The following CDH8 variants were observed in gnomAD, a reference collection of about 807,000 sequenced individuals.
CDH8 encodes cadherin-8.
CDH8 carries 17 observed loss-of-function variants against 68.1 expected under a neutral mutation model. The observed-to-expected ratio is 0.25, with a 90% CI of 0.17 to 0.37. The LOEUF (loss-of-function observed/expected upper bound fraction) is 0.37, where lower values mean the gene tolerates loss of function less well. CDH8 is among the 10% of genes least tolerant of loss of function. The pLI, the probability that CDH8 is intolerant of heterozygous loss-of-function variation, is 1.00. For missense variants in CDH8, 763 were observed against 999.3 expected, an observed-to-expected ratio of 0.76 and a Z score of 3.19; for synonymous variants, 372 against 365.1, an observed-to-expected ratio of 1.02 and a Z score of -0.21.
At chr16:61,847,288 T>TA (rs1405378377) in intron 4 of CDH8, among the ~76,000 whole-genome samples, 1 of 151,948 alleles carries the variant, frequency 6.6e-6, no homozygotes, top group African/African-American at 2.4e-5. Context: ...AAACTCTTTT[T>TA]AAAAAACACA....
Position 61,856,643 on chromosome 16 carries a change from T to C in CDH8, c.667+476A>G, listed in dbSNP as rs1302927303. Among the ~76,000 whole-genome samples, 7 of 152,250 alleles carry C rather than the reference T, an allele frequency of 4.6e-5. No homozygotes were observed. The East Asian group carries it at 1.4e-3, about 29-fold the overall frequency. On this transcript the variant is annotated intron_variant, in intron 4 of 11. Coordinates refer to ENST00000577390, the MANE Select transcript of CDH8 (RefSeq NM_001796.5). ...GAATCTAGTAGCAAATGTAATAATATCTAAAGTGCACTGAATGATTACCAC... is the reference window on the plus strand; with the variant it reads ...GAATCTAGTAGCAAATGTAATAATACCTAAAGTGCACTGAATGATTACCAC...
chr16:61,977,778 C>A (rs976352707), intron 2 of CDH8, among the ~76,000 whole-genome samples: 4 of 152,112 alleles, frequency 2.6e-5, no homozygotes, highest in African/African-American at 9.7e-5. Flanking sequence ...TAAACGATGT[C>A]CAAACTGTGC....
intron 10 of CDH8, chr16:61,691,645 CT>C (rs1964225775): frequency 6.6e-6 from 1 of 151,840 alleles, no homozygotes; most frequent in South Asian, 2.1e-4. Context: ...CACATCCCCC[CT>C]ATTTGTCACA....
intron 4 of CDH8, among the ~76,000 whole-genome samples, chr16:61,836,982 T>A (rs1962582291): frequency 6.6e-6 from 1 of 152,014 alleles, no homozygotes; most frequent in Admixed American, 6.6e-5. Context: ...CTTTTGTTCC[T>A]TTCAAGCCAA....
At chr16:61,904,344 T>G (rs1182594976) in intron 2 of CDH8, among the ~76,000 whole-genome samples, 1 of 152,004 alleles carries the variant, frequency 6.6e-6, no homozygotes, top group African/African-American at 2.4e-5. Context: ...CAACACTGCC[T>G]GGTCAACGTA....
chr16:61,718,283 A>G lies in CDH8; in HGVS notation c.1537-4325T>C, dbSNP rs190206554. The stretch of plus-strand genomic sequence containing the variant: ...TAAAATGCACACCAAGTGAACATTT[A>G]AAAGAAATAGTTCTTTCTATGTATG... On this transcript the variant is annotated intron_variant, in intron 9 of 11. Transcript: ENST00000577390. Among the ~76,000 whole-genome samples, 236 of 151,542 alleles carry G rather than the reference A, an allele frequency of 1.6e-3. 2 individuals carry two copies. The highest frequency in any genetic ancestry group is 5.5e-3 in the African/African-American group (226 of 41,458).
intron 2 of CDH8, among the ~76,000 whole-genome samples, chr16:61,993,531 AT>A (rs1965762223): frequency 6.6e-6 from 1 of 152,218 alleles, no homozygotes; most frequent in Non-Finnish European, 1.5e-5. Context: ...TGATTTGTTA[AT>A]TGCAATAGTA....
chr16:61,683,901 C>T (rs1964056669), intron 10 of CDH8, among the ~76,000 whole-genome samples: 1 of 151,916 alleles, frequency 6.6e-6, no homozygotes. Context: ...AACAAAGATT[C>T]TATGAAAGGC....
intron 8 of CDH8, among the ~76,000 whole-genome samples, chr16:61,769,024 AAC>A (rs569018702): frequency 1.3e-5 from 2 of 151,422 alleles, no homozygotes; most frequent in African/African-American, 4.8e-5. Flanking sequence ...TTGTAAGTTG[AAC>A]ACACACACAC....
At chr16:61,776,593 T>C (rs893038893) in intron 8 of CDH8, among the ~76,000 whole-genome samples, 1 of 152,160 alleles carries the variant, frequency 6.6e-6, no homozygotes, top group African/African-American at 2.4e-5. Flanking sequence ...GATATGTTCC[T>C]GAACAAACAA....
intron 7 of CDH8, among the ~76,000 whole-genome samples, chr16:61,803,501 A>G (rs1397408291): frequency 2.0e-5 from 3 of 151,860 alleles, no homozygotes; most frequent in South Asian, 2.1e-4. Context: ...TAAATTCTCC[A>G]TTTAAAAGAC....
intron 10 of CDH8, among the ~76,000 whole-genome samples, chr16:61,679,267 C>T (rs1156475819): frequency 1.3e-5 from 2 of 151,988 alleles, no homozygotes; most frequent in Admixed American, 6.6e-5. Flanking sequence ...ACAACCTAAA[C>T]TAGTTCACAG....
rs1963314702 is a variant in CDH8, at chr16:61,651,211, G to C, written c.*2397C>G. The C allele has an allele frequency of 6.6e-6, 1 of 151,976 alleles. No individual in the cohort carries two copies. The highest frequency in any genetic ancestry group is 1.5e-5 in the Non-Finnish European group (1 of 67,976). The allele number at this position is 151,976 out of a possible 1,614,324, so 9.4% of individuals were successfully genotyped here. Reference sequence around the variant, plus strand: ...TTGGTTTGGAAGGTGTAAGATAGTTGGAATATTACTATTGGTTATTACTGC... The same window carrying C: ...TTGGTTTGGAAGGTGTAAGATAGTTCGAATATTACTATTGGTTATTACTGC... On this transcript the variant is annotated 3_prime_UTR_variant, in exon 12 of 12. Transcript: ENST00000577390.
intron 8 of CDH8, among the ~76,000 whole-genome samples, chr16:61,754,236 A>T (rs997509799): frequency 6.6e-6 from 1 of 152,194 alleles, no homozygotes; most frequent in Non-Finnish European, 1.5e-5. Context: ...AAAAACTCTT[A>T]GCATTTTGTT....
At chr16:61,893,478 C>A (rs992106596) in intron 3 of CDH8, among the ~76,000 whole-genome samples, 2 of 151,362 alleles carry the variant, frequency 1.3e-5, no homozygotes, top group Non-Finnish European at 2.9e-5. Flanking sequence ...TCTGCCCTGT[C>A]CACTGAAAAG....
rs79738770 is a variant in CDH8 at position 62,018,735 on chromosome 16, G to A, written c.252+2417C>T. ...AATTGTTTGGGAATTGGTCATGGTA[G>A]GAAACCGTGAAAAGGCTAGATAAAA... is the stretch of plus-strand genomic sequence containing the variant. On this transcript the variant is annotated intron_variant, in intron 2 of 11. Transcript: ENST00000577390. Among the ~76,000 whole-genome samples, 733 of 152,290 alleles carry A rather than the reference G, an allele frequency of 4.8e-3. 8 individuals are homozygous for A. The highest frequency in any genetic ancestry group is 0.016 in the African/African-American group (645 of 41,576).
intron 2 of CDH8, among the ~76,000 whole-genome samples, chr16:61,969,824 T>TAAAC (rs1414742471): frequency 3.9e-5 from 6 of 152,192 alleles, no homozygotes; most frequent in Non-Finnish European, 7.3e-5. Context: ...GCCCATCTTC[T>TAAAC]AAACAACAAT....
chr16:61,906,374 C>T (rs746100842), intron 2 of CDH8, among the ~76,000 whole-genome samples: 49 of 152,256 alleles, frequency 3.2e-4, no homozygotes, highest in South Asian at 6.2e-4. Context: ...CAGATGAATC[C>T]TCAAACCCTC....
chr16:61,671,093 T>C (rs1963783659), intron 10 of CDH8, among the ~76,000 whole-genome samples: 1 of 152,046 alleles, frequency 6.6e-6, no homozygotes, highest in Non-Finnish European at 1.5e-5. Flanking sequence ...TATATTCATA[T>C]AAACTGATGC....
Sources: allele counts gnomAD v4.1 joint callset (sites outside exome capture counted in the v4.1 genomes callset), GRCh38; gene constraint gnomAD v4.1.1; transcripts MANE v1.5; gene names NCBI Gene and HGNC (gene_info 2026-07-23, HGNC 2026-07-21).